The following ANKRD11 variants were observed in gnomAD, a reference collection of about 807,000 sequenced individuals.
ANKRD11 encodes the protein ankyrin repeat domain-containing protein 11.
Under a neutral mutation model 195.7 loss-of-function variants are expected in ANKRD11, and 17 were observed. That is an observed-to-expected ratio of 0.09 (90% CI 0.06 to 0.13). The LOEUF (loss-of-function observed/expected upper bound fraction) is 0.13. ANKRD11 is among the 10% of genes least tolerant of loss of function. The pLI is 1.00. For synonymous variants in ANKRD11, 1,953 were observed against 1,528.1 expected, an observed-to-expected ratio of 1.28 and a Z score of -6.49; for missense variants, 3,735 against 3,566.1, an observed-to-expected ratio of 1.05 and a Z score of -1.21.
In ANKRD11 at chr16:89,284,406, A is replaced by G. The variant is rs1276865367; in HGVS notation, c.2136T>C (p.Phe712=). The part of the protein sequence containing the change: ...KMKLEEKEWL[F]KDEKSLKRIK... ...TTCTCTTCAGTGATTTTTCATCTTT[A>G]AAGAGCCATTCTTTTTCTTCTAATT... The change falls in exon 9 of 13, where the codon TTT becomes TTC. Residue 712 remains phenylalanine (F), a synonymous_variant. Coordinates refer to ENST00000301030, the MANE Select transcript of ANKRD11 (RefSeq NM_013275.6). 1.2e-6 allele frequency: 2 copies of G among 1,613,676 alleles called. No individual in the cohort carries two copies. Among genetic ancestry groups the G allele is most frequent in the Admixed American group, 1.7e-5 (1 of 59,986 alleles).
chr16:89,295,506 G>C (rs1379830803), intron 4 of ANKRD11, among the ~76,000 whole-genome samples: 2 of 152,206 alleles, frequency 1.3e-5, no homozygotes, highest in Non-Finnish European at 2.9e-5. Context: ...CTCCTCCTCA[G>C]CACAGAGCTG....
chr16:89,397,798 A>G (rs1185396761), intron 2 of ANKRD11, among the ~76,000 whole-genome samples: 1 of 152,232 alleles, frequency 6.6e-6, no homozygotes, highest in Non-Finnish European at 1.5e-5. Flanking sequence ...AGCCCTTGGC[A>G]GCAGGCGGTG....
At chr16:89,325,435 C>G (rs998183647) in intron 2 of ANKRD11, among the ~76,000 whole-genome samples, 3 of 135,636 alleles carry the variant, frequency 2.2e-5, no homozygotes, top group Non-Finnish European at 4.6e-5. Context: ...CAGACCCTCT[C>G]CCCTCTCCCC....
rs2042625009 is a variant in ANKRD11, at chr16:89,424,158, C to T, written c.-144-5790G>A. Among the ~76,000 whole-genome samples, 4 of 152,178 alleles carry T rather than the reference C, an allele frequency of 2.6e-5. No homozygotes were observed. In the South Asian group the frequency reaches 8.3e-4, roughly 32 times the overall value. On this transcript the variant is annotated intron_variant, in intron 1 of 12. Coordinates refer to ENST00000301030, the MANE Select transcript of ANKRD11 (RefSeq NM_013275.6). Reference sequence around the variant, plus strand: ...ATCTTGCAAGACTGCCATTAAAAATCTTGCTTCCTGGCTGGGCGCAGTGGC... The same window carrying T: ...ATCTTGCAAGACTGCCATTAAAAATTTTGCTTCCTGGCTGGGCGCAGTGGC...
chr16:89,365,605 G>A (rs1260085132), intron 2 of ANKRD11, among the ~76,000 whole-genome samples: 2 of 152,194 alleles, frequency 1.3e-5, no homozygotes, highest in Non-Finnish European at 2.9e-5. Flanking sequence ...TTGAAAAAGA[G>A]GTATGTTCAC....
At position 89,281,151 on chromosome 16, in the gene ANKRD11, C is replaced by T; in HGVS notation, c.5391G>A (p.Arg1797=). 6.2e-7 allele frequency: 1 copy of T among 1,613,900 alleles called. No homozygotes were observed. Among genetic ancestry groups the T allele is most frequent in the Non-Finnish European group, 8.5e-7 (1 of 1,179,794 alleles). Residue 1797 remains arginine (R), a synonymous_variant, in exon 9 of 13, where the codon AGG becomes AGA. Coordinates refer to ENST00000301030, the MANE Select transcript of ANKRD11 (RefSeq NM_013275.6). The surrounding 1 kb of genome is among the most constrained non-coding windows in gnomAD (Gnocchi z 5.5). ...CGACGCTGAATTCTTCCTCGGGGGT[C>T]CTCCTAATGTCGACAGAGACCGAGC... The part of the protein sequence containing the change: ...LYRSVSVDIR[R]TPEEEFSVGD...
At chr16:89,465,653 C>A (rs181943192) in intron 1 of ANKRD11, among the ~76,000 whole-genome samples, 1 of 152,206 alleles carries the variant, frequency 6.6e-6, no homozygotes, top group African/African-American at 2.4e-5. Context: ...CTGCACGTCA[C>A]GTGGACGAGC....
At chr16:89,408,358 G>C (rs1392894655) in intron 2 of ANKRD11, among the ~76,000 whole-genome samples, 4 of 152,368 alleles carry the variant, frequency 2.6e-5, no homozygotes, top group Non-Finnish European at 5.9e-5. Context: ...AAAACCACCA[G>C]GTTTGATGCA....
At chr16:89,326,991 G>A (rs1213045214) in intron 2 of ANKRD11, among the ~76,000 whole-genome samples, 1 of 151,914 alleles carries the variant, frequency 6.6e-6, no homozygotes, top group Non-Finnish European at 1.5e-5. Context: ...CAATGCAGAG[G>A]TGGGGAATGC....
intron 1 of ANKRD11, among the ~76,000 whole-genome samples, chr16:89,487,404 C>T (rs962745967): frequency 2.0e-4 from 30 of 152,202 alleles, no homozygotes; most frequent in South Asian, 4.1e-4. Context: ...TGATGATGGG[C>T]TCTCTGCCCA....
At chr16:89,362,741 C>G (rs1463783359) in intron 2 of ANKRD11, among the ~76,000 whole-genome samples, 1 of 152,236 alleles carries the variant, frequency 6.6e-6, no homozygotes, top group South Asian at 2.1e-4. Context: ...CCCTGGCATG[C>G]TTATACTGGT....
At chr16:89,300,784 C>A in intron 4 of ANKRD11, 1 of 679,852 alleles carries the variant, frequency 1.5e-6, no homozygotes. Context: ...GCAGAGAGCA[C>A]ACCCCAGGCA....
In ANKRD11 at chr16:89,267,685, TAA is replaced by T; in HGVS notation, c.*791_*792del. The stretch of plus-strand genomic sequence containing the variant: ...TAACTGAAAGTGATGTTACAGTACA[TAA>T]GTTATTTACAACTGTGCAGTAATGT... On this transcript the variant is annotated 3_prime_UTR_variant, in exon 13 of 13. Transcript: ENST00000301030. 1 of 152,372 alleles carries T rather than the reference TAA, an allele frequency of 6.6e-6. No individual in the cohort carries two copies. Among genetic ancestry groups the T allele is most frequent in the Non-Finnish European group, 1.5e-5 (1 of 68,072 alleles). 9.4% of individuals were successfully genotyped at this position (152,372 alleles called of 1,614,324 possible).
rs199903301 is a variant in ANKRD11 at position 89,283,596 on chromosome 16, C to G, written c.2946G>C (p.Glu982Asp). The G allele has an allele frequency of 1.9e-5, 30 of 1,610,012 alleles. No individual in the cohort carries two copies. Among genetic ancestry groups the G allele is most frequent in the Middle Eastern group, 3.3e-4 (2 of 6,062 alleles). Residue 982 changes from glutamate (E) to aspartate (D), a missense_variant, in exon 9 of 13, where the codon GAG becomes GAC. By Grantham distance (45) the Glu-to-Asp change is conservative. Transcript: ENST00000301030. The surrounding 1 kb of genome is among the most constrained non-coding windows in gnomAD (Gnocchi z 4.3). ...CGTCGGACTTGTCCTTGAAGCCACT[C>G]TCGCAGCCACACTCCTTCAGCTCCT... is the stretch of plus-strand genomic sequence containing the variant. ...HREELKECGC[E>D]SGFKDKSDGD...
chr16:89,488,009 C>A (rs961129865), intron 1 of ANKRD11, among the ~76,000 whole-genome samples: 1 of 151,988 alleles, frequency 6.6e-6, no homozygotes, highest in Non-Finnish European at 1.5e-5. Flanking sequence ...AAGCATCTGG[C>A]GGTGGCAATG....
intron 4 of ANKRD11, chr16:89,298,736 GGGATTACAGAA>G (rs1390069963): frequency 6.6e-6 from 1 of 152,196 alleles, no homozygotes; most frequent in Admixed American, 6.5e-5. Flanking sequence ...CTGCGGCTTG[GGGATTACAGAA>G]TTTTAAACAG....
chr16:89,295,363 C>T (rs538059247), intron 4 of ANKRD11, among the ~76,000 whole-genome samples: 16 of 152,032 alleles, frequency 1.1e-4, no homozygotes, highest in Non-Finnish European at 1.8e-4. Flanking sequence ...TGAGCCTGGG[C>T]GGCCACCCAC....
chr16:89,344,825 G>A lies in ANKRD11; in HGVS notation c.-59-27747C>T, dbSNP rs117348982. ...CAGCAGCTCCCACCCAATAGCAGAC[G>A]AGGCGTGAGACTCTCAACCACCTTC... On this transcript the variant is annotated intron_variant, in intron 2 of 12. Coordinates refer to ENST00000301030, the MANE Select transcript of ANKRD11 (RefSeq NM_013275.6). 6.0e-3 allele frequency among the ~76,000 whole-genome samples: 914 copies of A among 152,324 alleles called. 3 individuals carry two copies. The highest frequency in any genetic ancestry group is 9.3e-3 in the Non-Finnish European group (632 of 68,026).
intron 2 of ANKRD11, among the ~76,000 whole-genome samples, chr16:89,383,139 A>G (rs1028516062): frequency 5.3e-5 from 8 of 152,368 alleles, no homozygotes; most frequent in Middle Eastern, 3.4e-3. Context: ...GCGGACCCAC[A>G]GCCTAAGGCC....
Sources: allele counts gnomAD v4.1 joint callset (sites outside exome capture counted in the v4.1 genomes callset), GRCh38; gene constraint gnomAD v4.1.1; non-coding constraint Gnocchi (gnomAD v3.1); transcripts MANE v1.5; gene names NCBI Gene and HGNC (gene_info 2026-07-23, HGNC 2026-07-21).